The following AKAP19 variants were observed in gnomAD, a reference collection of about 807,000 sequenced individuals.
AKAP19 encodes the protein small A-kinase anchoring protein.
chr2:189,978,266 C>T, the AKAP19 span, among the ~76,000 whole-genome samples: 5 of 152,120 alleles, frequency 3.3e-5, no homozygotes, highest in Non-Finnish European at 7.4e-5. Context: ...TTTGGAGTCC[C>T]CTGTTTTTAT....
At chr2:189,887,653 A>C in the AKAP19 span, among the ~76,000 whole-genome samples, 1 of 152,008 alleles carries the variant, frequency 6.6e-6, no homozygotes, top group Non-Finnish European at 1.5e-5. Flanking sequence ...CTTTTTAATG[A>C]TCTCCATTCT....
chr2:190,004,179 C>T, the AKAP19 span, among the ~76,000 whole-genome samples: 64 of 151,800 alleles, frequency 4.2e-4, no homozygotes, highest in Non-Finnish European at 2.1e-4. Context: ...TGCTAAATGA[C>T]GAGTTAATGG....
the AKAP19 span, among the ~76,000 whole-genome samples, chr2:190,124,463 T>G: frequency 2.0e-5 from 3 of 152,152 alleles, no homozygotes; most frequent in Non-Finnish European, 2.9e-5. Context: ...ATACAAAAGG[T>G]ACTGGAAAAC....
chr2:190,000,461 A>G, the AKAP19 span, among the ~76,000 whole-genome samples: 1 of 152,146 alleles, frequency 6.6e-6, no homozygotes, highest in East Asian at 1.9e-4. Context: ...TTTCCTTGCT[A>G]TTTGTTGGGG....
the AKAP19 span, among the ~76,000 whole-genome samples, chr2:190,126,298 A>C: frequency 9.8e-6 from 1 of 102,560 alleles, no homozygotes; most frequent in African/African-American, 4.2e-5. Context: ...TCAAAAAAAA[A>C]AAAAAAAAAA....
chr2:190,143,956 G>A, the AKAP19 span, among the ~76,000 whole-genome samples: 40 of 142,714 alleles, frequency 2.8e-4, no homozygotes, highest in Non-Finnish European at 2.9e-4. Flanking sequence ...TCACTCATAG[G>A]TGGGAACTGA....
the AKAP19 span, chr2:189,930,848 G>A: frequency 1.3e-6 from 1 of 757,376 alleles, no homozygotes; most frequent in Admixed American, 1.8e-5. Context: ...TAGGATAGGT[G>A]TTTGCTAGGT....
the AKAP19 span, chr2:190,062,552 C>T: frequency 6.2e-7 from 1 of 1,612,950 alleles, no homozygotes; most frequent in Non-Finnish European, 8.5e-7. Context: ...CAGCAACAAT[C>T]AGCATAAACA....
the AKAP19 span, among the ~76,000 whole-genome samples, chr2:189,972,380 T>A: frequency 6.6e-6 from 1 of 152,214 alleles, no homozygotes; most frequent in Non-Finnish European, 1.5e-5. Flanking sequence ...TTTTGATTGC[T>A]GTAGTCTTGT....
At chr2:189,988,126 G>A in the AKAP19 span, among the ~76,000 whole-genome samples, 1 of 152,092 alleles carries the variant, frequency 6.6e-6, no homozygotes, top group Non-Finnish European at 1.5e-5. Flanking sequence ...AGAACTGGTT[G>A]GCAGGTCCAG....
the AKAP19 span, among the ~76,000 whole-genome samples, chr2:189,998,771 C>CTTTTTTTTTTTTTTTTTTTTTTT: frequency 1.8e-4 from 18 of 97,540 alleles, no homozygotes; most frequent in Admixed American, 2.7e-4. Context: ...TTCTTTCTTT[C>CTTTTTTTTTTTTTTTTTTTTTTT]TTTTTTTTTT....
the AKAP19 span, among the ~76,000 whole-genome samples, chr2:190,101,041 C>T: frequency 6.6e-6 from 1 of 152,210 alleles, no homozygotes; most frequent in Admixed American, 6.5e-5. Flanking sequence ...GAGGGAAAGA[C>T]ATCAGGAAAA....
At chr2:189,940,596 ACACT>A in the AKAP19 span, among the ~76,000 whole-genome samples, 6 of 151,142 alleles carry the variant, frequency 4.0e-5, no homozygotes, top group Non-Finnish European at 5.9e-5. Flanking sequence ...TCAAAAAAAA[ACACT>A]CACAGGAAAT....
the AKAP19 span, among the ~76,000 whole-genome samples, chr2:190,199,416 A>G: frequency 6.9e-6 from 1 of 144,098 alleles, no homozygotes; most frequent in African/African-American, 2.9e-5. Flanking sequence ...AGCTAGCAAA[A>G]ATTGAATTGT....
the AKAP19 span, among the ~76,000 whole-genome samples, chr2:189,920,302 A>C: frequency 6.6e-6 from 1 of 152,208 alleles, no homozygotes; most frequent in African/African-American, 2.4e-5. Context: ...TATCATTCTC[A>C]ATATGTAACT....
At chr2:190,108,788 T>TTC in the AKAP19 span, among the ~76,000 whole-genome samples, 1 of 151,028 alleles carries the variant, frequency 6.6e-6, no homozygotes, top group Non-Finnish European at 1.5e-5. Context: ...TTGCGGTTTT[T>TTC]TTTTTTTTTT....
chr2:190,140,980 C>T, the AKAP19 span, among the ~76,000 whole-genome samples: 1 of 152,176 alleles, frequency 6.6e-6, no homozygotes, highest in South Asian at 2.1e-4. Flanking sequence ...GTTCAAAGTT[C>T]TGCAGATCTC....
chr2:189,909,585 T>A, the AKAP19 span, among the ~76,000 whole-genome samples: 1 of 152,108 alleles, frequency 6.6e-6, no homozygotes, highest in Non-Finnish European at 1.5e-5. Flanking sequence ...TATAATAGTC[T>A]ATTTTAAGCT....
chr2:190,036,815 T>G, the AKAP19 span, among the ~76,000 whole-genome samples: 5 of 152,324 alleles, frequency 3.3e-5, no homozygotes, highest in East Asian at 9.6e-4. Context: ...CATAACAGAT[T>G]AAGTTAAAAC....
Sources: allele counts gnomAD v4.1 joint callset (sites outside exome capture counted in the v4.1 genomes callset), GRCh38; gene constraint gnomAD v4.1.1; transcripts MANE v1.5; gene names NCBI Gene and HGNC (gene_info 2026-07-23, HGNC 2026-07-21).